The following MS4A4A variants were observed in gnomAD, a reference collection of about 807,000 sequenced individuals.
MS4A4A encodes membrane spanning 4-domains A4A, also known as membrane-spanning 4-domains subfamily A member 4A.
MS4A4A carries 26 observed loss-of-function variants against 28.0 expected under a neutral mutation model. That is an observed-to-expected ratio of 0.93 (90% CI 0.68 to 1.29). MS4A4A has a LOEUF of 1.29. MS4A4A is among the 50% of genes most tolerant of loss of function. The pLI is 0.00. For missense variants in MS4A4A, 290 were observed against 293.1 expected, an observed-to-expected ratio of 0.99 and a Z score of 0.08; for synonymous variants, 86 against 100.8, an observed-to-expected ratio of 0.85 and a Z score of 0.88.
At chr11:60,303,600 CG>C (rs967930472) in intron 5 of MS4A4A, among the ~76,000 whole-genome samples, 1 of 151,972 alleles carries the variant, frequency 6.6e-6, no homozygotes, top group African/African-American at 2.4e-5. Flanking sequence ...CCCAGCTACT[CG>C]GGGGGCTGAG....
intron 1 of MS4A4A, among the ~76,000 whole-genome samples, chr11:60,288,186 A>G (rs995942875): frequency 3.9e-5 from 6 of 152,202 alleles, no homozygotes; most frequent in African/African-American, 1.4e-4. Flanking sequence ...CTCCACTCCC[A>G]TAGCTATTTG....
At position 60,280,728 on chromosome 11, in the gene MS4A4A, G is replaced by A. The variant is rs1170519941; in HGVS notation, c.41+12G>A. The A allele has an allele frequency of 6.2e-7, 1 of 1,613,480 alleles. No homozygotes were observed. Among genetic ancestry groups the A allele is most frequent in the Non-Finnish European group, 8.5e-7 (1 of 1,179,584 alleles). On this transcript the variant is annotated intron_variant, in intron 1 of 6. Transcript: ENST00000337908. ...AGGCCTGAAGAAAGGTAGGTCCAGG[G>A]ACTTGCCTTCCTAGGCTTTCGGGCT...
intron 5 of MS4A4A, among the ~76,000 whole-genome samples, chr11:60,303,656 C>T (rs550931415): frequency 6.6e-6 from 1 of 152,088 alleles, no homozygotes; most frequent in South Asian, 2.1e-4. Context: ...TGCAGTGAGC[C>T]GAGATGGACA....
At chr11:60,282,901 G>A (rs996116429) in intron 1 of MS4A4A, among the ~76,000 whole-genome samples, 3 of 152,122 alleles carry the variant, frequency 2.0e-5, no homozygotes, top group African/African-American at 7.2e-5. Context: ...AACATCAGTG[G>A]TGGATTGAAT....
intron 1 of MS4A4A, among the ~76,000 whole-genome samples, chr11:60,281,800 G>T (rs1307645155): frequency 3.3e-5 from 5 of 152,170 alleles, no homozygotes; most frequent in Non-Finnish European, 7.3e-5. Flanking sequence ...TTTATCAGGG[G>T]TGTGGGGGAA....
At chr11:60,306,541 T>A (rs1189932256) in intron 6 of MS4A4A, among the ~76,000 whole-genome samples, 1 of 152,226 alleles carries the variant, frequency 6.6e-6, no homozygotes, top group African/African-American at 2.4e-5. Context: ...AGGGTTCACA[T>A]GAACGGATGA....
chr11:60,284,993 A>T (rs1174537615), intron 1 of MS4A4A, among the ~76,000 whole-genome samples: 1 of 152,348 alleles, frequency 6.6e-6, no homozygotes, highest in East Asian at 1.9e-4. Context: ...TAGAAGACCT[A>T]AATAGAAGAT....
chr11:60,287,206 A>G (rs1163982970), intron 1 of MS4A4A, among the ~76,000 whole-genome samples: 2 of 152,202 alleles, frequency 1.3e-5, no homozygotes, highest in Non-Finnish European at 2.9e-5. Context: ...GCTGTAAAAA[A>G]CCATTGAAGA....
chr11:60,280,918 G>A (rs926255681), intron 1 of MS4A4A, among the ~76,000 whole-genome samples: 2 of 152,090 alleles, frequency 1.3e-5, no homozygotes, highest in African/African-American at 4.8e-5. Flanking sequence ...TGCTACAGTC[G>A]ATAGGAGTTA....
At chr11:60,282,729 A>G in intron 1 of MS4A4A, 1 of 1,273,698 alleles carries the variant, frequency 7.9e-7, no homozygotes, top group East Asian at 5.6e-5. Flanking sequence ...TTAAAAGGAG[A>G]GAGATTCGAG....
At chr11:60,302,256 G>A (rs936724315) in intron 4 of MS4A4A, among the ~76,000 whole-genome samples, 1 of 152,214 alleles carries the variant, frequency 6.6e-6, no homozygotes, top group Non-Finnish European at 1.5e-5. Context: ...TGGCAGGGAA[G>A]GACACAGACA....
At chr11:60,303,100 A>G (rs2084967693) in intron 5 of MS4A4A, among the ~76,000 whole-genome samples, 3 of 152,198 alleles carry the variant, frequency 2.0e-5, no homozygotes, top group Admixed American at 2.0e-4. Context: ...AATTGTCTTG[A>G]ACAGTATTTT....
intron 1 of MS4A4A, among the ~76,000 whole-genome samples, chr11:60,282,241 C>T (rs542298424): frequency 2.0e-5 from 3 of 152,276 alleles, no homozygotes; most frequent in South Asian, 2.1e-4. Context: ...AGAGAGAGAA[C>T]CACCAGTGCG....
Position 60,298,533 on chromosome 11 carries a change from G to A in MS4A4A, c.330+1208G>A, listed in dbSNP as rs542593799. On this transcript the variant is annotated intron_variant, in intron 3 of 6. Transcript: ENST00000337908. ...TTTCAAACAATCACCACGAACTTCT[G>A]ATTTTTCATTATAATCATTTTATGG... Among the ~76,000 whole-genome samples, 39 of 152,240 alleles carry A rather than the reference G, an allele frequency of 2.6e-4. No homozygotes were observed. The South Asian group carries it at 5.8e-3, about 23-fold the overall frequency.
At chr11:60,280,796 G>A in intron 1 of MS4A4A, 80 bp downstream of exon 1, 1 of 1,537,068 alleles carries the variant, frequency 6.5e-7, no homozygotes, top group Non-Finnish European at 8.9e-7. Flanking sequence ...TCTGGGAGGG[G>A]AATGAGAAGA....
chr11:60,295,815 G>A (rs2084900627), intron 2 of MS4A4A, among the ~76,000 whole-genome samples: 1 of 152,084 alleles, frequency 6.6e-6, no homozygotes, highest in Non-Finnish European at 1.5e-5. Context: ...TGTATAGTCA[G>A]TCTTGCATAC....
chr11:60,304,906 GAAA>G (rs2084984703), intron 5 of MS4A4A, among the ~76,000 whole-genome samples: 1 of 152,104 alleles, frequency 6.6e-6, no homozygotes. Context: ...AACAATGTTG[GAAA>G]CACAGAGGCC....
intron 5 of MS4A4A, among the ~76,000 whole-genome samples, chr11:60,304,343 A>G (rs1228264335): frequency 6.6e-6 from 1 of 152,214 alleles, no homozygotes; most frequent in African/African-American, 2.4e-5. Context: ...CCTGTGCTTG[A>G]TCTAATGCTC....
At chr11:60,293,171 C>T (rs2084872930) in intron 2 of MS4A4A, among the ~76,000 whole-genome samples, 1 of 152,132 alleles carries the variant, frequency 6.6e-6, no homozygotes, top group African/African-American at 2.4e-5. Context: ...GATTCTCCTG[C>T]CTCAGCCTCC....
Sources: gnomAD v4.1 joint callset for allele counts (sites outside exome capture counted in the v4.1 genomes callset) on GRCh38, gnomAD v4.1.1 for gene constraint, MANE v1.5 for transcripts, NCBI Gene and HGNC (gene_info 2026-07-23, HGNC 2026-07-21) for gene names.